Variants in KIF6 observed in about 807,000 individuals in gnomAD.
The protein encoded by KIF6 is kinesin-like protein KIF6.
KIF6 carries 106 observed loss-of-function variants against 112.7 expected under a neutral mutation model. That is an observed-to-expected ratio of 0.94 (90% confidence interval 0.80 to 1.11). The LOEUF is 1.11. Ranked by LOEUF, KIF6 falls within the 50% of genes least tolerant of loss-of-function variation. The pLI is 0.00. For missense variants in KIF6, 929 were observed against 964.0 expected (o/e 0.96, Z 0.48); for synonymous variants, 339 against 339.9 (o/e 1.00, Z 0.03).
chr6:39,404,448 G>A (rs111494926), intron 15 of KIF6, among the ~76,000 whole-genome samples: 2 of 151,828 alleles, frequency 1.3e-5, no homozygotes, highest in African/African-American at 4.8e-5. Flanking sequence ...TTTCTTCATT[G>A]CCTCGGCAGT....
intron 16 of KIF6, among the ~76,000 whole-genome samples, chr6:39,371,702 T>G (rs1287298806): frequency 6.6e-6 from 1 of 152,182 alleles, no homozygotes; most frequent in African/African-American, 2.4e-5. Flanking sequence ...TATCCAATTC[T>G]CTTCACAACG....
intron 13 of KIF6, among the ~76,000 whole-genome samples, chr6:39,461,770 G>T (rs6909965): frequency 6.6e-6 from 1 of 151,806 alleles, no homozygotes; most frequent in African/African-American, 2.4e-5. Context: ...AAACTGAGTA[G>T]TAAAAAATTA....
intron 18 of KIF6, 74 bp from the exon 19 acceptor site, chr6:39,357,448 CT>C (rs552350303): frequency 0.31 from 167,121 of 538,064 alleles, 3,922 homozygotes; most frequent in East Asian, 0.35. Context: ...TGATGTAATT[CT>C]TTTTTTTTTT....
chr6:39,406,856 C>T (rs190069079), intron 15 of KIF6, among the ~76,000 whole-genome samples: 2 of 152,320 alleles, frequency 1.3e-5, no homozygotes, highest in Admixed American at 6.5e-5. Flanking sequence ...TCAAGAAATC[C>T]TCCTGCCTCA....
At chr6:39,393,455 G>A (rs1456533160) in intron 15 of KIF6, among the ~76,000 whole-genome samples, 1 of 152,192 alleles carries the variant, frequency 6.6e-6, no homozygotes, top group Admixed American at 6.5e-5. Context: ...TGCTTAAGGA[G>A]TTCCTGACAT....
Position 39,333,610 on chromosome 6 carries a change from G to A in KIF6, c.*2922C>T, listed in dbSNP as rs1310127694. The A allele has an allele frequency of 6.6e-6, 1 of 152,242 alleles. No homozygotes were observed. The highest frequency in any genetic ancestry group is 1.5e-5 in the Non-Finnish European group (1 of 68,048). The allele number at this position is 152,242 out of a possible 1,614,324, so 9.4% of individuals were successfully genotyped here. ...GCCAACACCACATTAGTCAAAGTGG[G>A]CCATGACAAAGCTTTGGATGTGTAA... On this transcript the variant is annotated 3_prime_UTR_variant, in exon 23 of 23. Coordinates refer to ENST00000287152, the MANE Select transcript of KIF6 (RefSeq NM_145027.6).
At chr6:39,624,616 G>A (rs369530772) in intron 5 of KIF6, among the ~76,000 whole-genome samples, 2 of 152,140 alleles carry the variant, frequency 1.3e-5, no homozygotes, top group East Asian at 3.8e-4. Context: ...CTAATACACA[G>A]TTTAGAATGT....
In KIF6 at chr6:39,342,594, G is replaced by C. The variant is rs1242498198; in HGVS notation, c.2428+1115C>G. ...GGGGACTTGGAGATCACTGAATCCA[G>C]TTTTTTATTTTTTTTTATTTTTTTT... On this transcript the variant is annotated intron_variant, in intron 22 of 22. Transcript: ENST00000287152. This position sits in a 1 kb window ranked among gnomAD's most constrained non-coding sequence, Gnocchi z 4.7. 1.6e-5 allele frequency among the ~76,000 whole-genome samples: 2 copies of C among 124,308 alleles called. No individual in the cohort carries two copies. The highest frequency in any genetic ancestry group is 8.8e-5 in the African/African-American group (2 of 22,824). 81.6% of individuals were successfully genotyped at this position (124,308 alleles called of 152,430 possible).
chr6:39,410,166 C>A (rs1044413993), intron 15 of KIF6, among the ~76,000 whole-genome samples: 11 of 152,210 alleles, frequency 7.2e-5, no homozygotes, highest in Admixed American at 4.6e-4. Context: ...TATACAGCTG[C>A]CACTTTTCTG....
At chr6:39,551,895 G>A (rs1156957559) in intron 10 of KIF6, among the ~76,000 whole-genome samples, 1 of 152,230 alleles carries the variant, frequency 6.6e-6, no homozygotes, top group Admixed American at 6.5e-5. Flanking sequence ...ATCAGATAAT[G>A]CAAGGAACGA....
chr6:39,422,033 C>T (rs980870050), intron 14 of KIF6, among the ~76,000 whole-genome samples: 18 of 152,164 alleles, frequency 1.2e-4, no homozygotes, highest in Non-Finnish European at 8.8e-5. Flanking sequence ...GACAGTCACA[C>T]GTTGCTCAAC....
rs377297432 is a variant in KIF6 at position 39,555,427 on chromosome 6, T to C, written c.1182-9739A>G. On this transcript the variant is annotated intron_variant, in intron 10 of 22. Coordinates refer to ENST00000287152, the MANE Select transcript of KIF6 (RefSeq NM_145027.6). ...CACCCTCTGGCCTTACGGCTCCTCC[T>C]GGACCTCTTGTGTATGCTACCCTGC... 9.6e-3 allele frequency among the ~76,000 whole-genome samples: 1,468 copies of C among 152,188 alleles called. 25 individuals are homozygous for C. Among genetic ancestry groups the C allele is most frequent in the African/African-American group, 0.033 (1,384 of 41,516 alleles).
chr6:39,720,718 C>G lies in KIF6; in HGVS notation c.160G>C (p.Glu54Gln). ...AAAACTTACTTAAATTTGTAGCTTT[C>G]TCGCTTATTATTCACAAACCCATCT... ...LADGFVNNKR[E>Q]SYKFKFQRIF... Residue 54 changes from glutamate to glutamine, a missense_variant, in exon 2 of 23, where the codon GAA becomes CAA. Coordinates refer to ENST00000287152, the MANE Select transcript of KIF6 (RefSeq NM_145027.6). 1 of 1,589,636 alleles carries G rather than the reference C, an allele frequency of 6.3e-7. No individual in the cohort carries two copies. The highest frequency in any genetic ancestry group is 8.6e-7 in the Non-Finnish European group (1 of 1,158,362).
At chr6:39,710,521 G>A (rs1389124203) in intron 3 of KIF6, among the ~76,000 whole-genome samples, 1 of 149,820 alleles carries the variant, frequency 6.7e-6, no homozygotes, top group Non-Finnish European at 1.5e-5. Context: ...AGAGGGAAAG[G>A]GAGGATACCA....
intron 5 of KIF6, among the ~76,000 whole-genome samples, chr6:39,629,107 C>T (rs1379972988): frequency 6.6e-6 from 1 of 152,036 alleles, no homozygotes; most frequent in African/African-American, 2.4e-5. Flanking sequence ...CAATTTTTAG[C>T]AATTATGAAT....
chr6:39,721,809 GTTT>G (rs5875678), intron 1 of KIF6, among the ~76,000 whole-genome samples: 8 of 141,728 alleles, frequency 5.6e-5, no homozygotes, highest in African/African-American at 1.6e-4. Flanking sequence ...AGATTTAAAG[GTTT>G]TTTTTTTTTT....
At chr6:39,461,669 C>T (rs1015930317) in intron 13 of KIF6, among the ~76,000 whole-genome samples, 1 of 151,934 alleles carries the variant, frequency 6.6e-6, no homozygotes, top group Non-Finnish European at 1.5e-5. Context: ...ATGTTTTATT[C>T]TTACAGCACA....
At chr6:39,504,923 C>T (rs905234197) in intron 13 of KIF6, among the ~76,000 whole-genome samples, 1 of 152,110 alleles carries the variant, frequency 6.6e-6, no homozygotes, top group Non-Finnish European at 1.5e-5. Context: ...GGCCATACTG[C>T]CCAAAGCAAT....
chr6:39,529,301 A>G (rs1295298184), intron 13 of KIF6, among the ~76,000 whole-genome samples: 1 of 152,202 alleles, frequency 6.6e-6, no homozygotes, highest in Non-Finnish European at 1.5e-5. Context: ...GCAAAATTAG[A>G]CAAATGGGGT....
Sources: allele counts gnomAD v4.1 joint callset (sites outside exome capture counted in the v4.1 genomes callset), GRCh38; gene constraint gnomAD v4.1.1; non-coding constraint Gnocchi (gnomAD v3.1); transcripts MANE v1.5; gene names NCBI Gene and HGNC (gene_info 2026-07-23, HGNC 2026-07-21).